Variants in ROBO4 observed in about 807,000 individuals in gnomAD.
ROBO4 encodes the protein roundabout homolog 4.
ROBO4 carries 80 observed loss-of-function variants against 103.3 expected under a neutral mutation model. That is an observed-to-expected ratio of 0.77 (90% confidence interval 0.65 to 0.93). The LOEUF (loss-of-function observed/expected upper bound fraction) is 0.93. Among genes scored for constraint, ROBO4 ranks in the 40% least tolerant of loss-of-function variants. ROBO4 has a pLI of 0.00. For synonymous variants in ROBO4, 504 were observed against 529.7 expected, an observed-to-expected ratio of 0.95 and a Z score of 0.67; for missense variants, 1,333 against 1,305.3, an observed-to-expected ratio of 1.02 and a Z score of -0.33.
chr11:124,891,031 G>T (rs1946788834), intron 12 of ROBO4, among the ~76,000 whole-genome samples: 1 of 152,250 alleles, frequency 6.6e-6, no homozygotes, highest in Non-Finnish European at 1.5e-5. Context: ...AACGTTTGCT[G>T]AGTTGAATTG....
chr11:124,888,940 G>A (rs960968662), intron 12 of ROBO4, among the ~76,000 whole-genome samples: 1 of 152,158 alleles, frequency 6.6e-6, no homozygotes, highest in Non-Finnish European at 1.5e-5. Flanking sequence ...CTAGGAAAGA[G>A]TTTCCCCTCT....
At chr11:124,896,128 C>T in intron 4 of ROBO4, 70 bp downstream of exon 4, 1 of 1,587,760 alleles carries the variant, frequency 6.3e-7, no homozygotes, top group Admixed American at 1.7e-5. Flanking sequence ...AACCCCAGCC[C>T]AAACCAGAAT....
Position 124,886,598 on chromosome 11 carries a change from C to A in ROBO4, c.2660G>T (p.Ser887Ile). 3 of 1,614,210 alleles carry A rather than the reference C, an allele frequency of 1.9e-6. No individual in the cohort carries two copies. The highest frequency in any genetic ancestry group is 1.7e-6 in the Non-Finnish European group (2 of 1,180,032). The change falls in exon 16 of 18, where the codon AGC becomes ATC. Residue 887 changes from serine to isoleucine, a missense_variant. Physicochemically the swap from Ser to Ile is moderately radical, Grantham distance 142. Coordinates refer to ENST00000306534, the MANE Select transcript of ROBO4 (RefSeq NM_019055.6). ...WGSASEDNAA[S>I]ARASLVSSSD... ...GGAGCTGACAAGGCTGGCTCTGGCG[C>A]TGGCGGCATTGTCCTCAGAGGCTGA...
Position 124,895,902 on chromosome 11 carries a change from G to A in ROBO4, c.690C>T (p.Asp230=). The A allele has an allele frequency of 6.2e-7, 1 of 1,613,878 alleles. No individual in the cohort carries two copies. The highest frequency in any genetic ancestry group is 1.1e-5 in the South Asian group (1 of 91,062). ...CCAGAAGCTCCACAGGCTCCGTGTA[G>A]TCCTGGGGCTCTGTGGGGAGGATAG... ...AARVSIQEPQ[D]YTEPVELLAV... The change falls in exon 5 of 18, where the codon GAC becomes GAT. Residue 230 remains aspartate, a synonymous_variant. Transcript: ENST00000306534.
intron 12 of ROBO4, among the ~76,000 whole-genome samples, chr11:124,889,483 A>C (rs997048769): frequency 6.6e-6 from 1 of 152,246 alleles, no homozygotes; most frequent in Non-Finnish European, 1.5e-5. Flanking sequence ...TTTCAATTCT[A>C]ATTGAATAAA....
intron 16 of ROBO4, 179 bp downstream of exon 16, chr11:124,886,285 G>C: frequency 3.5e-6 from 2 of 574,268 alleles, no homozygotes; most frequent in Non-Finnish European, 3.0e-6. Flanking sequence ...TAGGATAAGA[G>C]AGATAAAGAA....
chr11:124,891,369 G>A lies in ROBO4; in HGVS notation c.1878C>T (p.Ser626=), dbSNP rs920470915. ...AGCGGGGAGAAGAGAGTCCCCTGCG[G>A]CTGCAGAGGCTGTCTGAGCTGGAAC... ...SPCSSSDSLC[S]RRGLSSPRLS... The change falls in exon 12 of 18, where the codon AGC becomes AGT. Residue 626 remains serine, a synonymous_variant. Coordinates refer to ENST00000306534, the MANE Select transcript of ROBO4 (RefSeq NM_019055.6). 1.3e-6 allele frequency: 2 copies of A among 1,551,512 alleles called. No individual in the cohort carries two copies. The highest frequency in any genetic ancestry group is 1.4e-5 in the African/African-American group (1 of 73,060).
Position 124,884,929 on chromosome 11 carries a change from G to T in ROBO4, c.3002-16C>A, listed in dbSNP as rs769616139. ...ACAGGAGAAGCTGAAGGACAGTGGA[G>T]TTATCTCCCTTGCTCCTTATCTCCC... On this transcript the variant is annotated splice_polypyrimidine_tract_variant and intron_variant, in intron 17 of 17. Transcript: ENST00000306534. The T allele has an allele frequency of 1.1e-5, 17 of 1,614,058 alleles. No homozygotes were observed. In the Admixed American group the frequency reaches 2.7e-4, roughly 25 times the overall value.
intron 10 of ROBO4, chr11:124,892,666 G>T: frequency 6.5e-6 from 1 of 153,918 alleles, no homozygotes; most frequent in Admixed American, 6.4e-5. Context: ...GCTTCTGCGT[G>T]GCCAATACAG....
intron 16 of ROBO4, among the ~76,000 whole-genome samples, chr11:124,886,015 C>G (rs1946705298): frequency 6.6e-6 from 1 of 152,052 alleles, no homozygotes; most frequent in African/African-American, 2.4e-5. Context: ...ATGGTGAAAC[C>G]CCGTCTCTAC....
chr11:124,895,280 C>G, intron 6 of ROBO4, 87 bp from the exon 7 acceptor site: 1 of 1,228,828 alleles, frequency 8.1e-7, no homozygotes, highest in Non-Finnish European at 1.2e-6. Context: ...AGCGTCAGAA[C>G]CCTACTGAAG....
rs140857833 is a variant in ROBO4, at chr11:124,895,571, C to G, written c.922G>C (p.Ala308Pro). Reference sequence around the variant, plus strand: ...CCCCAGTGGAGGCCTCCAAGCTCTGCGCTCTGCCAGCCGGCCAGCAGCTCC... The same window carrying G: ...CCCCAGTGGAGGCCTCCAAGCTCTGGGCTCTGCCAGCCGGCCAGCAGCTCC... Reference protein sequence around the residue: ...AEELLAGWQSAELGGLHWGQD... With the variant: ...AEELLAGWQSPELGGLHWGQD... Residue 308 changes from alanine (A) to proline (P), a missense_variant, in exon 6 of 18, where the codon GCA (alanine) becomes CCA (proline). Ala to Pro is a conservative substitution (Grantham distance 27, BLOSUM62 -1). Coordinates refer to ENST00000306534, the MANE Select transcript of ROBO4 (RefSeq NM_019055.6). 1 of 1,613,204 alleles carries G rather than the reference C, an allele frequency of 6.2e-7. No individual in the cohort carries two copies. Among genetic ancestry groups the G allele is most frequent in the Admixed American group, 1.7e-5 (1 of 60,026 alleles).
rs777799328 is a variant in ROBO4 at position 124,887,470 on chromosome 11, G to A, written c.2086C>T (p.Arg696Trp). Residue 696 changes from arginine (R) to tryptophan (W), a missense_variant, in exon 14 of 18, where the codon CGG becomes TGG. By Grantham distance (101) the Arg-to-Trp change is moderately radical. Coordinates refer to ENST00000306534, the MANE Select transcript of ROBO4 (RefSeq NM_019055.6). ...GAVPQALVAW[R>W]ALGPKLLSSS... The stretch of plus-strand genomic sequence containing the variant: ...CTGAGGAGTTTCGGTCCCAGGGCCC[G>A]CCAGGCAACCAGAGCTTGGGGCACA... 2.0e-5 allele frequency: 33 copies of A among 1,613,806 alleles called. No individual in the cohort carries two copies. The highest frequency in any genetic ancestry group is 1.7e-4 in the Middle Eastern group (1 of 6,050).
At chr11:124,897,490 TCTC>T in intron 1 of ROBO4, 1 of 582,884 alleles carries the variant, frequency 1.7e-6, no homozygotes, top group Non-Finnish European at 3.1e-6. Flanking sequence ...TCTCTCTCTC[TCTC>T]TTACTTTCTC....
chr11:124,886,437 G>T, intron 16 of ROBO4, 27 bp downstream of exon 16: 7 of 1,548,988 alleles, frequency 4.5e-6, no homozygotes, highest in Non-Finnish European at 5.3e-6. Flanking sequence ...GCATGAGTGA[G>T]GAGTAAGATG....
rs367968302 is a variant in ROBO4 at position 124,896,977 on chromosome 11, G to A, written c.355C>T (p.Arg119Trp). ...LGVYTCEASN[R>W]LGTAVSRGAR... is the part of the protein sequence containing the mutation. Reference sequence around the variant, plus strand: ...CCTCTGCTGACTGCCGTGCCAAGCCGGTTGCTGGCCTCACATGTGTAGACA... The same window carrying A: ...CCTCTGCTGACTGCCGTGCCAAGCCAGTTGCTGGCCTCACATGTGTAGACA... Residue 119 changes from arginine (R) to tryptophan (W), a missense_variant, in exon 2 of 18, where the codon CGG becomes TGG. Transcript: ENST00000306534. 6.8e-6 allele frequency: 11 copies of A among 1,613,804 alleles called. No homozygotes were observed. The highest frequency in any genetic ancestry group is 6.7e-5 in the East Asian group (3 of 44,882).
chr11:124,896,459 G>T, intron 3 of ROBO4, 54 bp downstream of exon 3: 1 of 1,599,320 alleles, frequency 6.3e-7, no homozygotes, highest in Non-Finnish European at 8.5e-7. Context: ...CCATCAGGGT[G>T]TACCCAGGTC....
At position 124,887,223 on chromosome 11, in the gene ROBO4, G is replaced by T. The variant is rs373330515; in HGVS notation, c.2199-10C>A. 1.3e-6 allele frequency: 2 copies of T among 1,586,332 alleles called. No homozygotes were observed. The highest frequency in any genetic ancestry group is 1.3e-5 in the African/African-American group (1 of 74,302). On this transcript the variant is annotated splice_polypyrimidine_tract_variant and intron_variant, in intron 14 of 17. Transcript: ENST00000306534. ...TGGTGCCACCGGAGGCCTGATTTGCGGGAGAGAGTGATGGCACCGTAGTTA... is the reference window on the plus strand; with the variant it reads ...TGGTGCCACCGGAGGCCTGATTTGCTGGAGAGAGTGATGGCACCGTAGTTA...
At position 124,893,897 on chromosome 11, in the gene ROBO4, G is replaced by T; in HGVS notation, c.1467C>A (p.Ile489=). Residue 489 remains isoleucine (I), a synonymous_variant, in exon 9 of 18, where the codon ATC becomes ATA. Transcript: ENST00000306534. ...WLLLLGTAVC[I]HRRRRARVHL... ...GCACCCTAGCTCGGCGCCGGCGGTG[G>T]ATACACACGGCGGTGCCCAGAAGCA... 2 of 1,612,410 alleles carry T rather than the reference G, an allele frequency of 1.2e-6. No individual in the cohort carries two copies. The highest frequency in any genetic ancestry group is 1.7e-6 in the Non-Finnish European group (2 of 1,179,800).
Sources: allele counts gnomAD v4.1 joint callset (sites outside exome capture counted in the v4.1 genomes callset), GRCh38; gene constraint gnomAD v4.1.1; transcripts MANE v1.5; gene names NCBI Gene and HGNC (gene_info 2026-07-23, HGNC 2026-07-21).